Variants in DHDDS observed in about 807,000 individuals in gnomAD.
DHDDS encodes dehydrodolichyl diphosphate synthase complex subunit DHDDS.
Under a neutral mutation model 46.2 loss-of-function variants are expected in DHDDS, and 16 were observed. The observed-to-expected ratio is 0.35, with a 90% CI of 0.23 to 0.53. The LOEUF is 0.53. Among genes scored for constraint, DHDDS ranks in the 20% least tolerant of loss-of-function variants. The pLI is 0.94. For synonymous variants in DHDDS, 151 were observed against 163.1 expected (o/e 0.93, Z 0.56); for missense variants, 340 against 423.7 (o/e 0.80, Z 1.73).
chr1:26,433,144 T>C (rs938057096), intron 2 of DHDDS, 136 bp downstream of exon 2: 3 of 922,014 alleles, frequency 3.3e-6, no homozygotes, highest in Admixed American at 2.0e-5. Flanking sequence ...CCAAAGAGTC[T>C]TAGAATGGTA....
chr1:26,433,096 G>A, intron 2 of DHDDS, 88 bp downstream of exon 2: 1 of 1,391,724 alleles, frequency 7.2e-7, no homozygotes, highest in East Asian at 2.3e-5. Flanking sequence ...ATGATGTTAA[G>A]TGCAATTCAT....
intron 2 of DHDDS, among the ~76,000 whole-genome samples, chr1:26,434,072 TAAC>T (rs2075130390): frequency 6.6e-6 from 1 of 152,208 alleles, no homozygotes; most frequent in African/African-American, 2.4e-5. Flanking sequence ...CATGTGACTT[TAAC>T]AACTGTAGAA....
chr1:26,451,849 C>T (rs749911665), intron 6 of DHDDS, among the ~76,000 whole-genome samples: 4 of 151,930 alleles, frequency 2.6e-5, no homozygotes, highest in African/African-American at 7.3e-5. Flanking sequence ...AGGATGGTCT[C>T]GATCTCCTGA....
At chr1:26,441,221 C>G (rs1294868604) in intron 3 of DHDDS, among the ~76,000 whole-genome samples, 2 of 151,762 alleles carry the variant, frequency 1.3e-5, no homozygotes, top group Non-Finnish European at 1.5e-5. Flanking sequence ...CCACGCCCGG[C>G]CTGTTTTTTT....
chr1:26,453,093 AACACACACAC>A (rs57753843), intron 6 of DHDDS, among the ~76,000 whole-genome samples: 17 of 146,510 alleles, frequency 1.2e-4, no homozygotes, highest in Admixed American at 2.1e-4. Context: ...CCCTGTCTGA[AACACACACAC>A]ACACACACAC....
chr1:26,447,916 A>T (rs1025125296), intron 6 of DHDDS: 1 of 598,372 alleles, frequency 1.7e-6, no homozygotes, highest in Non-Finnish European at 3.0e-6. Context: ...TTAGGGGAGC[A>T]TGTGGAAAGA....
At chr1:26,453,934 C>A (rs1486902504) in intron 6 of DHDDS, among the ~76,000 whole-genome samples, 3 of 151,048 alleles carry the variant, frequency 2.0e-5, no homozygotes, top group African/African-American at 4.8e-5. Flanking sequence ...TCAGTTTCAT[C>A]TTTCCACCCT....
intron 3 of DHDDS, among the ~76,000 whole-genome samples, chr1:26,440,897 T>A (rs2075211673): frequency 6.6e-6 from 1 of 152,112 alleles, no homozygotes; most frequent in Non-Finnish European, 1.5e-5. Context: ...GGTACAGGAT[T>A]AGAGCAGCCC....
In DHDDS at chr1:26,441,114, G is replaced by A. The variant is rs113071498; in HGVS notation, c.181-1617G>A. Among the ~76,000 whole-genome samples, 291 of 151,718 alleles carry A rather than the reference G, an allele frequency of 1.9e-3. 1 individual carries two copies. Among genetic ancestry groups the A allele is most frequent in the African/African-American group, 5.2e-3 (214 of 41,356 alleles). On this transcript the variant is annotated intron_variant, in intron 3 of 8. Transcript: ENST00000236342. ...TAATTTTTGCATTTTTAGTAGAGACGGGGTTTCACCACGTTGGTCAGGCTG... is the reference window on the plus strand; with the variant it reads ...TAATTTTTGCATTTTTAGTAGAGACAGGGTTTCACCACGTTGGTCAGGCTG...
At chr1:26,461,383 CTTTTTT>C (rs71581068) in intron 8 of DHDDS, among the ~76,000 whole-genome samples, 8 of 136,482 alleles carry the variant, frequency 5.9e-5, no homozygotes, top group Non-Finnish European at 1.1e-4. Context: ...ACATAGAATA[CTTTTTT>C]TTTTTTTTTT....
chr1:26,434,820 A>ATTT (rs67223673), intron 2 of DHDDS, among the ~76,000 whole-genome samples: 1 of 129,152 alleles, frequency 7.7e-6, no homozygotes. Flanking sequence ...TGCCTGGCTA[A>ATTT]TTTTTTTTTT....
intron 8 of DHDDS, among the ~76,000 whole-genome samples, chr1:26,464,844 G>C (rs1195117740): frequency 6.6e-6 from 1 of 152,212 alleles, no homozygotes; most frequent in Non-Finnish European, 1.5e-5. Context: ...CAGGAAGCCA[G>C]GGCAAGGGGC....
Position 26,432,913 on chromosome 1 carries a change from G to A in DHDDS, c.-33G>A. ...AAGATTACCTGGCTGGTGTTTGCTTGTTCTGGAGTGATCTTCTGACTGGAA... is the reference window on the plus strand; with the variant it reads ...AAGATTACCTGGCTGGTGTTTGCTTATTCTGGAGTGATCTTCTGACTGGAA... On this transcript the variant is annotated 5_prime_UTR_variant, in exon 2 of 9. Coordinates refer to ENST00000236342, the MANE Select transcript of DHDDS (RefSeq NM_205861.3). 5 of 1,612,544 alleles carry A rather than the reference G, an allele frequency of 3.1e-6. No individual in the cohort carries two copies. Among genetic ancestry groups the A allele is most frequent in the African/African-American group, 2.7e-5 (2 of 75,000 alleles).
At chr1:26,465,623 T>A (rs1287564252) in intron 8 of DHDDS, among the ~76,000 whole-genome samples, 1 of 152,220 alleles carries the variant, frequency 6.6e-6, no homozygotes, top group Non-Finnish European at 1.5e-5. Context: ...AGGGATTCAG[T>A]AAGCTAACAC....
intron 8 of DHDDS, chr1:26,467,627 G>T: frequency 3.6e-6 from 1 of 275,664 alleles, no homozygotes; most frequent in Non-Finnish European, 7.6e-6. Context: ...TTGTGCACAT[G>T]TAAGATATTC....
intron 6 of DHDDS, chr1:26,447,957 G>C (rs1353526509): frequency 1.7e-6 from 1 of 584,206 alleles, no homozygotes; most frequent in Admixed American, 3.1e-5. Context: ...TTAGAGATTA[G>C]GATTGGCTTA....
Position 26,459,152 on chromosome 1 carries a change from A to G in DHDDS, c.658-885A>G, listed in dbSNP as rs148019882. 2.1e-3 allele frequency among the ~76,000 whole-genome samples: 327 copies of G among 152,364 alleles called. 2 individuals carry two copies. Among genetic ancestry groups the G allele is most frequent in the Non-Finnish European group, 1.4e-3 (96 of 68,044 alleles). ...CAAGTCATTACAACTTTGGGAACTGATAACAGGCAGCTCTAATCTAGCCTT... is the reference window on the plus strand; with the variant it reads ...CAAGTCATTACAACTTTGGGAACTGGTAACAGGCAGCTCTAATCTAGCCTT... On this transcript the variant is annotated intron_variant, in intron 7 of 8. Transcript: ENST00000236342.
At position 26,467,373 on chromosome 1, in the gene DHDDS, G is replaced by T. The variant is rs757967960; in HGVS notation, c.766-1522G>T. On this transcript the variant is annotated intron_variant, in intron 8 of 8. Transcript: ENST00000236342. ...AGCTCTACGGCAACTGTTCAAGCCC[G>T]AAGTCCTCATAGCTCCACATGTAAT... is the stretch of plus-strand genomic sequence containing the variant. 3 of 471,188 alleles carry T rather than the reference G, an allele frequency of 6.4e-6. No homozygotes were observed. In the East Asian group the frequency reaches 2.1e-4, roughly 33 times the overall value. 29.2% of individuals were successfully genotyped at this position (471,188 alleles called of 1,614,324 possible).
At chr1:26,456,112 A>T (rs1468261828) in intron 6 of DHDDS, among the ~76,000 whole-genome samples, 1 of 152,188 alleles carries the variant, frequency 6.6e-6, no homozygotes, top group Non-Finnish European at 1.5e-5. Flanking sequence ...AGTAGCTCTT[A>T]TCAAACACAG....
Sources: gnomAD v4.1 joint callset for allele counts (sites outside exome capture counted in the v4.1 genomes callset) on GRCh38, gnomAD v4.1.1 for gene constraint, MANE v1.5 for transcripts, NCBI Gene and HGNC (gene_info 2026-07-23, HGNC 2026-07-21) for gene names.